ERC2: variants seen among roughly 807,000 people sequenced by gnomAD.
The protein encoded by ERC2 is ELKS/RAB6-interacting/CAST family member 2.
A neutral mutation model predicts 114.8 loss-of-function variants in ERC2; 42 were observed. That is an observed-to-expected ratio of 0.37 (90% CI 0.29 to 0.47). The LOEUF is 0.47. Among genes scored for constraint, ERC2 ranks in the 20% least tolerant of loss-of-function variants. The pLI, the probability that ERC2 is intolerant of heterozygous loss-of-function variation, is 0.99. For synonymous variants in ERC2, 454 were observed against 425.5 expected (o/e 1.07, Z -0.82); for missense variants, 939 against 1,150.7 (o/e 0.82, Z 2.66).
intron 12 of ERC2, among the ~76,000 whole-genome samples, chr3:55,970,424 G>A (rs1229048354): frequency 6.6e-6 from 1 of 151,502 alleles, no homozygotes; most frequent in Non-Finnish European, 1.5e-5. Flanking sequence ...TAATATACAA[G>A]AAAAACTAAC....
At chr3:56,442,290 G>A (rs997077741) in intron 1 of ERC2, among the ~76,000 whole-genome samples, 8 of 152,222 alleles carry the variant, frequency 5.3e-5, no homozygotes, top group Middle Eastern at 3.4e-3. Context: ...GAGCGAACTC[G>A]CCTCACTGCA....
chr3:55,805,684 A>G (rs1472157037), intron 14 of ERC2, among the ~76,000 whole-genome samples: 1 of 152,102 alleles, frequency 6.6e-6, no homozygotes, highest in African/African-American at 2.4e-5. Flanking sequence ...AACAACAAAG[A>G]TAGAAGTTTA....
intron 11 of ERC2, among the ~76,000 whole-genome samples, chr3:55,987,204 A>G (rs1411026691): frequency 6.6e-6 from 1 of 152,198 alleles, no homozygotes; most frequent in East Asian, 1.9e-4. Context: ...TGCGCAACTG[A>G]TCTAAAATGA....
intron 1 of ERC2, among the ~76,000 whole-genome samples, chr3:56,451,039 C>T (rs781337451): frequency 1.3e-5 from 2 of 152,084 alleles, no homozygotes; most frequent in African/African-American, 4.8e-5. Context: ...TTTTCAGATT[C>T]GTTTTTTAAA....
At chr3:56,456,041 C>G (rs1338694175) in intron 1 of ERC2, among the ~76,000 whole-genome samples, 2 of 152,208 alleles carry the variant, frequency 1.3e-5, no homozygotes, top group Admixed American at 1.3e-4. Flanking sequence ...TTGTAAACAA[C>G]TTTGATCTGG....
At chr3:55,766,203 C>T (rs1009817557) in intron 14 of ERC2, among the ~76,000 whole-genome samples, 2 of 150,734 alleles carry the variant, frequency 1.3e-5, no homozygotes, top group African/African-American at 4.9e-5. Flanking sequence ...AGAAGGAAAG[C>T]TGCCCATTTG....
chr3:55,651,340 A>C (rs2060613649), intron 17 of ERC2, among the ~76,000 whole-genome samples: 1 of 152,144 alleles, frequency 6.6e-6, no homozygotes, highest in Admixed American at 6.5e-5. Flanking sequence ...GACTCATACA[A>C]TCAGGGCTTT....
intron 14 of ERC2, among the ~76,000 whole-genome samples, chr3:55,864,180 T>C (rs181716904): frequency 6.6e-5 from 8 of 120,314 alleles, no homozygotes; most frequent in South Asian, 3.0e-4. Context: ...CATATATATA[T>C]ACACATATAT....
At chr3:56,299,402 A>ACAG (rs1384391211) in intron 2 of ERC2, among the ~76,000 whole-genome samples, 1 of 150,010 alleles carries the variant, frequency 6.7e-6, no homozygotes, top group Non-Finnish European at 1.5e-5. Context: ...TGCTGGGATT[A>ACAG]CAGGCGTGAG....
In ERC2 at chr3:56,296,350, T is replaced by G; in HGVS notation, c.743A>C (p.Asn248Thr). The G allele has an allele frequency of 1.2e-6, 2 of 1,613,986 alleles. No individual in the cohort carries two copies. Among genetic ancestry groups the G allele is most frequent in the Non-Finnish European group, 1.7e-6 (2 of 1,179,864 alleles). The change falls in exon 3 of 18, where the codon AAC becomes ACC. Residue 248 changes from asparagine to threonine, a missense_variant. Coordinates refer to ENST00000288221, the MANE Select transcript of ERC2 (RefSeq NM_015576.3). ...GATGGTGAAGTGCTCCGCTCCTCGG[T>G]TGCCACTCTCTTGCTGGAGGAGGTG... ...LNHLLQQESGNRGAEHFTIEL... is the reference protein window; with the variant it reads ...LNHLLQQESGTRGAEHFTIEL...
intron 13 of ERC2, among the ~76,000 whole-genome samples, chr3:55,946,721 G>A (rs1426969783): frequency 6.6e-6 from 1 of 152,062 alleles, no homozygotes; most frequent in Non-Finnish European, 1.5e-5. Flanking sequence ...TTGAACACTG[G>A]CCAGTTCAAC....
chr3:55,807,026 G>A (rs2059520353), intron 14 of ERC2, among the ~76,000 whole-genome samples: 1 of 152,136 alleles, frequency 6.6e-6, no homozygotes, highest in African/African-American at 2.4e-5. Context: ...GATACATGAT[G>A]GCTAAAGAAG....
intron 17 of ERC2, among the ~76,000 whole-genome samples, chr3:55,578,821 C>A (rs2057115010): frequency 6.6e-6 from 1 of 152,076 alleles, no homozygotes; most frequent in Admixed American, 6.5e-5. Flanking sequence ...CTGGCTGTGA[C>A]CTGGTCTAGG....
At chr3:55,640,890 T>C (rs1227381106) in intron 17 of ERC2, among the ~76,000 whole-genome samples, 1 of 152,182 alleles carries the variant, frequency 6.6e-6, no homozygotes, top group African/African-American at 2.4e-5. Context: ...CTTCTCTCAT[T>C]CTCAGACTGT....
At chr3:55,934,720 T>G (rs1197358904) in intron 13 of ERC2, among the ~76,000 whole-genome samples, 1 of 152,226 alleles carries the variant, frequency 6.6e-6, no homozygotes, top group Non-Finnish European at 1.5e-5. Flanking sequence ...CTGGATAATT[T>G]AGGCCTTTAA....
intron 16 of ERC2, among the ~76,000 whole-genome samples, chr3:55,693,541 C>T (rs962846352): frequency 2.6e-5 from 4 of 151,856 alleles, no homozygotes; most frequent in African/African-American, 9.7e-5. Context: ...TCCATAGAAG[C>T]AGGAGAGTTT....
intron 14 of ERC2, chr3:55,852,695 G>A (rs1002635244): frequency 3.3e-5 from 5 of 152,548 alleles, no homozygotes; most frequent in African/African-American, 1.2e-4. Flanking sequence ...CATGAGAGGA[G>A]GAACTCAGTC....
chr3:56,452,927 C>T (rs545244218), intron 1 of ERC2, among the ~76,000 whole-genome samples: 5 of 152,274 alleles, frequency 3.3e-5, no homozygotes, highest in Admixed American at 3.3e-4. Context: ...TGACCACAGG[C>T]TCATTGTGTT....
intron 17 of ERC2, among the ~76,000 whole-genome samples, chr3:55,531,540 T>G (rs576344430): frequency 6.6e-6 from 1 of 152,330 alleles, no homozygotes; most frequent in South Asian, 2.1e-4. Flanking sequence ...GCTAGCAGAA[T>G]GTCAGAGCAC....
Sources: gnomAD v4.1 joint callset for allele counts (sites outside exome capture counted in the v4.1 genomes callset) on GRCh38, gnomAD v4.1.1 for gene constraint, MANE v1.5 for transcripts, NCBI Gene and HGNC (gene_info 2026-07-23, HGNC 2026-07-21) for gene names.